Variants in SPATA21 observed in about 807,000 individuals in gnomAD.
SPATA21 encodes the protein spermatogenesis associated 21, also known as spermatogenesis-associated protein 21.
In SPATA21, 47 loss-of-function variants were observed where a neutral mutation model predicts 54.8. That is an observed-to-expected ratio of 0.86 (90% confidence interval 0.68 to 1.09). SPATA21 has a LOEUF of 1.09. Ranked by LOEUF, SPATA21 falls within the 50% of genes least tolerant of loss-of-function variation. The pLI, the probability that SPATA21 is intolerant of heterozygous loss-of-function variation, is 0.00. For synonymous variants in SPATA21, 245 were observed against 235.3 expected, an observed-to-expected ratio of 1.04 and a Z score of -0.38; for missense variants, 599 against 596.4, an observed-to-expected ratio of 1.00 and a Z score of -0.05.
intron 5 of SPATA21, among the ~76,000 whole-genome samples, chr1:16,412,156 C>A (rs537228725): frequency 1.3e-5 from 2 of 152,258 alleles, no homozygotes; most frequent in Non-Finnish European, 2.9e-5. Context: ...TTGCAGAGAC[C>A]CAGGGATTTG....
chr1:16,400,739 C>T lies in SPATA21; in HGVS notation c.1155G>A (p.Arg385=). 1 of 1,613,922 alleles carries T rather than the reference C, an allele frequency of 6.2e-7. No homozygotes were observed. Among genetic ancestry groups the T allele is most frequent in the Non-Finnish European group, 8.5e-7 (1 of 1,179,874 alleles). ...PERKVLSILS[R]LKQQNYAPNL... ...CCTCACCATAGTTCTGCTGCTTCAG[C>T]CGGCTCAGGATACTGAGGACCTTTC... Residue 385 remains arginine (R), a synonymous_variant, in exon 11 of 13, where the codon CGG becomes CGA. Transcript: ENST00000335496.
At position 16,423,412 on chromosome 1, in the gene SPATA21, C is replaced by CA. The variant is rs1161125061; in HGVS notation, c.35-1442dup. Among the ~76,000 whole-genome samples, 523 of 58,832 alleles carry CA rather than the reference C, an allele frequency of 8.9e-3. 9 individuals are homozygous for CA. Among genetic ancestry groups the CA allele is most frequent in the East Asian group, 0.025 (38 of 1,492 alleles). The allele number at this position is 58,832 out of a possible 152,430, so 38.6% of individuals were successfully genotyped here. ...TGGGCAACAGGGTGAGACTCCATGT[C>CA]AAAAAAAAAAAAAAAAAAAAAGTGG... is the stretch of plus-strand genomic sequence containing the variant. On this transcript the variant is annotated intron_variant, in intron 3 of 12. Coordinates refer to ENST00000335496, the MANE Select transcript of SPATA21 (RefSeq NM_198546.1).
chr1:16,436,371 G>C (rs1408177768), intron 1 of SPATA21, among the ~76,000 whole-genome samples: 3 of 149,104 alleles, frequency 2.0e-5, no homozygotes, highest in African/African-American at 7.6e-5. Context: ...TAGATGACAG[G>C]GTGAGACTCT....
chr1:16,437,096 C>T (rs2086605365), intron 1 of SPATA21, 32 bp downstream of exon 1: 1 of 152,180 alleles, frequency 6.6e-6, no homozygotes, highest in East Asian at 1.9e-4. Flanking sequence ...AAAGCTTGTT[C>T]ACCTTACACC....
chr1:16,400,401 C>T, intron 11 of SPATA21: 1 of 1,032,856 alleles, frequency 9.7e-7, no homozygotes, highest in Non-Finnish European at 1.2e-6. Flanking sequence ...GGGCCTAGCA[C>T]AGTGGGCACT....
chr1:16,425,234 GT>G, intron 3 of SPATA21: 1 of 577,216 alleles, frequency 1.7e-6, no homozygotes, highest in Non-Finnish European at 3.3e-6. Context: ...TTAAATGCTT[GT>G]GATGTAGGCT....
chr1:16,433,903 C>T (rs549317349), intron 1 of SPATA21, among the ~76,000 whole-genome samples: 53 of 152,262 alleles, frequency 3.5e-4, no homozygotes, highest in African/African-American at 1.2e-3. Context: ...TACAATTCAA[C>T]GGCTTTTAGG....
chr1:16,420,628 GA>G (rs1474610704), intron 5 of SPATA21, among the ~76,000 whole-genome samples: 2 of 152,124 alleles, frequency 1.3e-5, no homozygotes, highest in African/African-American at 4.8e-5. Context: ...GTGGTGGGGG[GA>G]GGGGACGAGA....
chr1:16,399,902 G>A (rs1361557829), intron 11 of SPATA21, among the ~76,000 whole-genome samples: 1 of 152,206 alleles, frequency 6.6e-6, no homozygotes, highest in African/African-American at 2.4e-5. Context: ...TGGTACCTGG[G>A]GGAAGGGAGG....
intron 10 of SPATA21, among the ~76,000 whole-genome samples, chr1:16,401,435 A>G (rs1366202540): frequency 1.3e-5 from 2 of 152,116 alleles, no homozygotes; most frequent in African/African-American, 4.8e-5. Context: ...AGTTGGGACC[A>G]TAGGCACCAA....
At chr1:16,417,995 G>A (rs2086062829) in intron 5 of SPATA21, among the ~76,000 whole-genome samples, 1 of 152,196 alleles carries the variant, frequency 6.6e-6, no homozygotes, top group Non-Finnish European at 1.5e-5. Context: ...GTGCCTGCAG[G>A]ACTTCCTGTC....
intron 5 of SPATA21, among the ~76,000 whole-genome samples, chr1:16,417,947 C>T (rs2086061943): frequency 2.0e-5 from 3 of 152,226 alleles, no homozygotes; most frequent in Admixed American, 6.5e-5. Flanking sequence ...AGTCCTCCCT[C>T]TCCAGAAAGC....
chr1:16,400,461 G>A, intron 11 of SPATA21: 1 of 1,225,462 alleles, frequency 8.2e-7, no homozygotes, highest in Non-Finnish European at 1.0e-6. Context: ...TTCTTTCTCA[G>A]TCCTGGCTCA....
intron 3 of SPATA21, among the ~76,000 whole-genome samples, chr1:16,430,550 T>C (rs2086433934): frequency 6.6e-6 from 1 of 152,090 alleles, no homozygotes; most frequent in African/African-American, 2.4e-5. Flanking sequence ...AAGCCCTGAG[T>C]AGCTCTCAGG....
chr1:16,424,940 C>T (rs184270700), intron 3 of SPATA21: 11 of 270,902 alleles, frequency 4.1e-5, no homozygotes, highest in East Asian at 3.8e-4. Flanking sequence ...TTTTTTGAGA[C>T]GGAGTTTTGC....
chr1:16,404,236 G>A (rs1384860892), intron 8 of SPATA21, among the ~76,000 whole-genome samples, 197 bp from the exon 9 acceptor site: 2 of 152,190 alleles, frequency 1.3e-5, no homozygotes, highest in Non-Finnish European at 2.9e-5. Context: ...TTGGGAGGCC[G>A]AGGTGCGTGG....
chr1:16,409,517 G>T lies in SPATA21; in HGVS notation c.587+84C>A. On this transcript the variant is annotated intron_variant, in intron 6 of 12. Transcript: ENST00000335496. The surrounding 1 kb of genome is among the most constrained non-coding windows in gnomAD (Gnocchi z 4.1). Reference sequence around the variant, plus strand: ...GGGACACACGAGGGAACAGGCAGGTGCAGGGACAGGGACCTGCATCCGGGA... The same window carrying T: ...GGGACACACGAGGGAACAGGCAGGTTCAGGGACAGGGACCTGCATCCGGGA... 1 of 1,405,218 alleles carries T rather than the reference G, an allele frequency of 7.1e-7. No individual in the cohort carries two copies. Among genetic ancestry groups the T allele is most frequent in the Middle Eastern group, 2.5e-4 (1 of 4,016 alleles). The allele number at this position is 1,405,218 out of a possible 1,614,324, so 87.0% of individuals were successfully genotyped here.
chr1:16,408,786 C>T, intron 7 of SPATA21: 1 of 194,482 alleles, frequency 5.1e-6, no homozygotes, highest in Admixed American at 5.7e-5. Flanking sequence ...AGGAGAATCG[C>T]TTGAACCCTG....
downstream of SPATA21, among the ~76,000 whole-genome samples, chr1:16,398,342 C>T (rs1325536701): frequency 6.6e-6 from 1 of 152,054 alleles, no homozygotes; most frequent in Non-Finnish European, 1.5e-5. Context: ...GGTCCTGGGG[C>T]TCTGTCGGGG....
Sources: allele counts gnomAD v4.1 joint callset (sites outside exome capture counted in the v4.1 genomes callset), GRCh38; gene constraint gnomAD v4.1.1; non-coding constraint Gnocchi (gnomAD v3.1); transcripts MANE v1.5; gene names NCBI Gene and HGNC (gene_info 2026-07-23, HGNC 2026-07-21).